The following GLIS3 variants were observed in gnomAD, a reference collection of about 807,000 sequenced individuals.
GLIS3 encodes GLIS family zinc finger 3, also known as zinc finger protein GLIS3.
In GLIS3, 53 loss-of-function variants were observed where a neutral mutation model predicts 78.6. The observed-to-expected ratio is 0.67, with a 90% confidence interval of 0.54 to 0.85. The LOEUF (loss-of-function observed/expected upper bound fraction) is 0.85. Ranked by LOEUF, GLIS3 falls within the 40% of genes least tolerant of loss-of-function variation. The probability of loss-of-function intolerance (pLI) is 0.00; values close to 1 mark genes in which losing one functional copy is unlikely to be tolerated. For synonymous variants in GLIS3, 684 were observed against 509.9 expected (o/e 1.34, Z -4.60); for missense variants, 1,703 against 1,231.1 (o/e 1.38, Z -5.74).
intron 4 of GLIS3, among the ~76,000 whole-genome samples, chr9:4,056,202 T>G (rs575686579): frequency 2.9e-4 from 44 of 152,296 alleles, no homozygotes; most frequent in African/African-American, 1.0e-3. Flanking sequence ...AAAGTAGAAT[T>G]TCTAATTTAT....
At chr9:4,440,968 T>C in the GLIS3 span, among the ~76,000 whole-genome samples, 4 of 152,270 alleles carry the variant, frequency 2.6e-5, no homozygotes, top group East Asian at 3.9e-4. Flanking sequence ...GCTATTAGCA[T>C]ATAGGAACAC....
intron 2 of GLIS3, among the ~76,000 whole-genome samples, chr9:4,316,678 G>A (rs1290418646): frequency 6.6e-6 from 1 of 152,170 alleles, no homozygotes; most frequent in Non-Finnish European, 1.5e-5. Flanking sequence ...CCCTGAGATG[G>A]GACGGCAGCC....
At chr9:4,073,396 T>C (rs1460744944) in intron 4 of GLIS3, among the ~76,000 whole-genome samples, 2 of 152,168 alleles carry the variant, frequency 1.3e-5, no homozygotes, top group South Asian at 2.1e-4. Flanking sequence ...GGATGGAGCC[T>C]AGAATTTTGA....
At chr9:4,272,122 T>C (rs1826568279) in intron 2 of GLIS3, among the ~76,000 whole-genome samples, 1 of 152,192 alleles carries the variant, frequency 6.6e-6, no homozygotes, top group African/African-American at 2.4e-5. Flanking sequence ...TAGCCATTAC[T>C]CTATTTTTCC....
intron 2 of GLIS3, among the ~76,000 whole-genome samples, chr9:4,151,790 C>T (rs1586819148): frequency 6.6e-6 from 1 of 152,208 alleles, no homozygotes; most frequent in South Asian, 2.1e-4. Flanking sequence ...GGTAATGAAG[C>T]ATAATAATCA....
intron 2 of GLIS3, among the ~76,000 whole-genome samples, chr9:4,265,080 G>C (rs561222823): frequency 5.9e-4 from 89 of 151,014 alleles, no homozygotes; most frequent in African/African-American, 2.1e-3. Flanking sequence ...GCTGAGGCAG[G>C]AGAATGGCGT....
chr9:4,353,914 G>C, the GLIS3 span, among the ~76,000 whole-genome samples: 1 of 152,188 alleles, frequency 6.6e-6, no homozygotes, highest in South Asian at 2.1e-4. Flanking sequence ...TGCAAGCTCA[G>C]TCTCCCAGGT....
chr9:4,117,285 A>T lies in GLIS3; in HGVS notation c.1710+483T>A, dbSNP rs1043667452. 8.5e-5 allele frequency among the ~76,000 whole-genome samples: 13 copies of T among 152,298 alleles called. No individual in the cohort carries two copies. In the East Asian group the frequency reaches 2.3e-3, roughly 27 times the overall value. Reference sequence around the variant, plus strand: ...CAGGCATGTGGATGCATGCCGAAACACTTTTACTAGCCAAGTTGCTAAGTG... The same window carrying T: ...CAGGCATGTGGATGCATGCCGAAACTCTTTTACTAGCCAAGTTGCTAAGTG... On this transcript the variant is annotated intron_variant, in intron 4 of 10. Coordinates refer to ENST00000381971, the MANE Select transcript of GLIS3 (RefSeq NM_001042413.2).
intron 9 of GLIS3, among the ~76,000 whole-genome samples, chr9:3,831,750 A>C (rs1037440541): frequency 6.6e-6 from 1 of 152,236 alleles, no homozygotes; most frequent in Non-Finnish European, 1.5e-5. Context: ...CTAAGCAAAC[A>C]GTGGTACATT....
Position 3,995,441 on chromosome 9 carries a change from T to C in GLIS3, c.1711-58252A>G, listed in dbSNP as rs549878272. ...CAGCTTATACTAAAAACTACTACCGTGAATAATAGCAGAAACAGCCAGTAG... is the reference window on the plus strand; with the variant it reads ...CAGCTTATACTAAAAACTACTACCGCGAATAATAGCAGAAACAGCCAGTAG... On this transcript the variant is annotated intron_variant, in intron 4 of 10. Transcript: ENST00000381971. 4.6e-5 allele frequency among the ~76,000 whole-genome samples: 7 copies of C among 151,712 alleles called. No homozygotes were observed. In the East Asian group the frequency reaches 1.4e-3, roughly 29 times the overall value.
chr9:4,062,438 C>G (rs1351928550), intron 4 of GLIS3, among the ~76,000 whole-genome samples: 1 of 152,112 alleles, frequency 6.6e-6, no homozygotes. Context: ...TACAAAATAT[C>G]CAAGGCAGAG....
rs33922569 is a variant in GLIS3 at position 4,243,398 on chromosome 9, G to GCACA, written c.388+42636_388+42639dup. On this transcript the variant is annotated intron_variant, in intron 2 of 10. Transcript: ENST00000381971. ...CATGTTTACACATGCACACATACAC[G>GCACA]CACACACACACACACATACGCATAG... 7.5e-4 allele frequency among the ~76,000 whole-genome samples: 113 copies of GCACA among 151,018 alleles called. 1 individual carries two copies. Among genetic ancestry groups the GCACA allele is most frequent in the African/African-American group, 2.3e-3 (93 of 41,124 alleles).
chr9:4,262,920 T>A (rs1228910268), intron 2 of GLIS3, among the ~76,000 whole-genome samples: 1 of 142,504 alleles, frequency 7.0e-6, no homozygotes, highest in Non-Finnish European at 1.5e-5. Flanking sequence ...GTTGATTGTT[T>A]CAGTGTTTGC....
intron 2 of GLIS3, among the ~76,000 whole-genome samples, chr9:4,326,784 G>C (rs993808457): frequency 4.6e-5 from 7 of 152,210 alleles, no homozygotes; most frequent in African/African-American, 1.7e-4. Context: ...ACATAGGCTG[G>C]AAGTGCCTGC....
At chr9:3,929,685 G>A (rs547277578) in intron 6 of GLIS3, among the ~76,000 whole-genome samples, 1 of 151,986 alleles carries the variant, frequency 6.6e-6, no homozygotes, top group Non-Finnish European at 1.5e-5. Context: ...GACAGAAAAG[G>A]GTTTTATTCT....
At chr9:4,186,376 A>T (rs1222562619) in intron 2 of GLIS3, among the ~76,000 whole-genome samples, 2 of 151,606 alleles carry the variant, frequency 1.3e-5, no homozygotes, top group Non-Finnish European at 1.5e-5. Flanking sequence ...TATGTGCCAC[A>T]TTTTCTTAAT....
In GLIS3 at chr9:4,338,024, CTGTGTGTGTGTGTG is replaced by C. The variant is rs74777663; in HGVS notation, n.264+9043_264+9056del. Among the ~76,000 whole-genome samples, 391 of 139,078 alleles carry C rather than the reference CTGTGTGTGTGTGTG, an allele frequency of 2.8e-3. 3 individuals are homozygous for C. Among genetic ancestry groups the C allele is most frequent in the African/African-American group, 0.011 (374 of 34,406 alleles). The allele number at this position is 139,078 out of a possible 152,430, so 91.2% of individuals were successfully genotyped here. On this transcript the variant is annotated intron_variant and non_coding_transcript_variant, in intron 2 of 4. Transcript: ENST00000471664. Reference sequence around the variant, plus strand: ...TGTCTAACTGGTAAGATTGGCAAGGCTGTGTGTGTGTGTGTGTGTGTGTGTGTGTGTGTGTGTGT... The same window carrying C: ...TGTCTAACTGGTAAGATTGGCAAGGCTGTGTGTGTGTGTGTGTGTGTGTGT...
chr9:3,856,470 C>T (rs1279253389), intron 8 of GLIS3, among the ~76,000 whole-genome samples: 1 of 152,214 alleles, frequency 6.6e-6, no homozygotes, highest in Admixed American at 6.5e-5. Context: ...ATTTCAAATA[C>T]ACTATGTTTG....
intron 2 of GLIS3, among the ~76,000 whole-genome samples, chr9:4,227,469 A>T (rs4741925): frequency 0.86 from 130,473 of 152,062 alleles, 56,550 homozygotes; most frequent in Non-Finnish European, 0.93. Flanking sequence ...CCTAGCACAA[A>T]GGCAAAATAT....
Sources: allele counts gnomAD v4.1 joint callset (sites outside exome capture counted in the v4.1 genomes callset), GRCh38; gene constraint gnomAD v4.1.1; transcripts MANE v1.5; gene names NCBI Gene and HGNC (gene_info 2026-07-23, HGNC 2026-07-21).